The following OGDH variants were observed in gnomAD, a reference collection of about 807,000 sequenced individuals.
The protein encoded by OGDH is 2-oxoglutarate dehydrogenase complex component E1.
OGDH carries 38 observed loss-of-function variants against 116.6 expected under a neutral mutation model. The ratio of observed to expected loss-of-function variants is 0.33; its 90% CI spans 0.25 to 0.43. The LOEUF is 0.43. Ranked by LOEUF, OGDH falls within the 20% of genes least tolerant of loss-of-function variation. OGDH has a pLI of 1.00. For missense variants in OGDH, 825 were observed against 1,357.2 expected, an observed-to-expected ratio of 0.61 and a Z score of 6.16; for synonymous variants, 488 against 533.3, an observed-to-expected ratio of 0.92 and a Z score of 1.17.
At chr7:44,618,513 C>T (rs895877381) in intron 1 of OGDH, among the ~76,000 whole-genome samples, 4 of 152,132 alleles carry the variant, frequency 2.6e-5, no homozygotes, top group Non-Finnish European at 5.9e-5. Flanking sequence ...GGGTTTTTGT[C>T]CATGATTCCT....
chr7:44,672,155 G>A (rs570521175), intron 5 of OGDH, among the ~76,000 whole-genome samples: 158 of 152,196 alleles, frequency 1.0e-3, no homozygotes, highest in African/African-American at 3.6e-3. Context: ...TTAGTTCCTA[G>A]GCAAGATTTT....
chr7:44,656,617 C>T (rs1002372671), intron 4 of OGDH, among the ~76,000 whole-genome samples: 1 of 152,184 alleles, frequency 6.6e-6, no homozygotes, highest in Non-Finnish European at 1.5e-5. Context: ...ACGTGTGCTT[C>T]ATCGCTTCAC....
chr7:44,654,431 C>G (rs1275447272), intron 4 of OGDH, among the ~76,000 whole-genome samples: 1 of 152,198 alleles, frequency 6.6e-6, no homozygotes, highest in Non-Finnish European at 1.5e-5. Flanking sequence ...TTCCACATAT[C>G]CTCCTGACCT....
chr7:44,610,654 C>A (rs1237807290), intron 1 of OGDH, among the ~76,000 whole-genome samples: 1 of 151,568 alleles, frequency 6.6e-6, no homozygotes, highest in Non-Finnish European at 1.5e-5. Flanking sequence ...TGCTCTGTTG[C>A]CCAGGCTGGA....
intron 4 of OGDH, among the ~76,000 whole-genome samples, chr7:44,661,449 T>G (rs1562649061): frequency 6.6e-6 from 1 of 152,276 alleles, no homozygotes; most frequent in East Asian, 1.9e-4. Flanking sequence ...TCATTTATAT[T>G]TAATGTAATT....
At chr7:44,643,876 T>C (rs188811618) in intron 2 of OGDH, among the ~76,000 whole-genome samples, 1 of 152,364 alleles carries the variant, frequency 6.6e-6, no homozygotes, top group East Asian at 1.9e-4. Context: ...GGAAAAGGTA[T>C]TGCAGAAAAG....
At chr7:44,645,652 C>A in intron 3 of OGDH, 134 bp downstream of exon 3, 1 of 841,280 alleles carries the variant, frequency 1.2e-6, no homozygotes, top group Non-Finnish European at 1.8e-6. Context: ...GTGCTTTCTC[C>A]CTGCTTTGGG....
Position 44,666,856 on chromosome 7 carries a change from G to A in OGDH, c.633+5G>A. The A allele has an allele frequency of 6.3e-7, 1 of 1,594,472 alleles. No homozygotes were observed. Among genetic ancestry groups the A allele is most frequent in the South Asian group, 1.1e-5 (1 of 89,344 alleles). ...GAGATCATCCGTCGGCTGGAGGTAAGAGCAGTTTCTGGAAAAATCTAATGG... is the reference window on the plus strand; with the variant it reads ...GAGATCATCCGTCGGCTGGAGGTAAAAGCAGTTTCTGGAAAAATCTAATGG... On this transcript the variant is annotated splice_donor_5th_base_variant and intron_variant, in intron 5 of 22. Transcript: ENST00000222673.
At chr7:44,706,796 A>T (rs1562694990) in intron 20 of OGDH, among the ~76,000 whole-genome samples, 2 of 141,490 alleles carry the variant, frequency 1.4e-5, no homozygotes. Context: ...CATTTTTTGT[A>T]TTTTTTTAGT....
chr7:44,675,323 C>T, intron 8 of OGDH, 55 bp downstream of exon 8: 4 of 1,378,938 alleles, frequency 2.9e-6, no homozygotes, highest in Non-Finnish European at 4.1e-6. Context: ...CACAAGACCC[C>T]TGGCTCCACT....
At chr7:44,671,405 C>G (rs1377180015) in intron 5 of OGDH, among the ~76,000 whole-genome samples, 1 of 152,172 alleles carries the variant, frequency 6.6e-6, no homozygotes, top group Non-Finnish European at 1.5e-5. Flanking sequence ...CCATGTGGCC[C>G]CACTTCCAAC....
intron 3 of OGDH, 21 bp downstream of exon 3, chr7:44,645,539 G>T: frequency 6.2e-7 from 1 of 1,609,836 alleles, no homozygotes; most frequent in Non-Finnish European, 8.5e-7. Flanking sequence ...TGCTTTACCC[G>T]CACACGGGAA....
chr7:44,611,761 C>T (rs866363058), intron 1 of OGDH, among the ~76,000 whole-genome samples: 1 of 151,608 alleles, frequency 6.6e-6, no homozygotes, highest in African/African-American at 2.4e-5. Flanking sequence ...TTCATTTAGA[C>T]TTAATTTCTT....
At chr7:44,651,536 A>G (rs968556455) in intron 4 of OGDH, among the ~76,000 whole-genome samples, 1 of 152,158 alleles carries the variant, frequency 6.6e-6, no homozygotes, top group Non-Finnish European at 1.5e-5. Context: ...AGTAAAAAAT[A>G]TTGTTGAGAT....
chr7:44,626,996 T>G (rs1286324179), intron 2 of OGDH, among the ~76,000 whole-genome samples: 1 of 152,126 alleles, frequency 6.6e-6, no homozygotes, highest in Admixed American at 6.5e-5. Context: ...TGTTTGTTTT[T>G]TTGTTTTGTT....
intron 2 of OGDH, among the ~76,000 whole-genome samples, chr7:44,644,511 C>G (rs1052995847): frequency 1.3e-5 from 2 of 152,170 alleles, no homozygotes; most frequent in African/African-American, 4.8e-5. Flanking sequence ...CTAGGGTAGT[C>G]TTTACAGCAT....
rs1784508690 is a variant in OGDH at position 44,610,221 on chromosome 7, T to C, written c.-28+3568T>C. Reference sequence around the variant, plus strand: ...AGCTTTGAGAATTCCTAATGTATTCTAGATACCACTGCTTTGTTGGATATG... The same window carrying C: ...AGCTTTGAGAATTCCTAATGTATTCCAGATACCACTGCTTTGTTGGATATG... On this transcript the variant is annotated intron_variant, in intron 1 of 22. Coordinates refer to ENST00000222673, the MANE Select transcript of OGDH (RefSeq NM_002541.4). Among the ~76,000 whole-genome samples the C allele has an allele frequency of 6.6e-5, 10 of 152,360 alleles. No homozygotes were observed. The South Asian group carries it at 1.7e-3, about 25-fold the overall frequency.
chr7:44,607,985 G>C (rs1174007856), intron 1 of OGDH, among the ~76,000 whole-genome samples: 2 of 147,010 alleles, frequency 1.4e-5, no homozygotes, highest in African/African-American at 4.9e-5. Context: ...ACAGGCGTGA[G>C]CCACTGCGCC....
chr7:44,631,568 A>AT (rs1785441259), intron 2 of OGDH, among the ~76,000 whole-genome samples: 1 of 152,212 alleles, frequency 6.6e-6, no homozygotes, highest in South Asian at 2.1e-4. Context: ...TTAGCACAGT[A>AT]TTTCACTCTT....
Sources: allele counts gnomAD v4.1 joint callset (sites outside exome capture counted in the v4.1 genomes callset), GRCh38; gene constraint gnomAD v4.1.1; transcripts MANE v1.5; gene names NCBI Gene and HGNC (gene_info 2026-07-23, HGNC 2026-07-21).